BBS9: variants seen among roughly 807,000 people sequenced by gnomAD.
BBS9 encodes the protein protein PTHB1.
A neutral mutation model predicts 117.7 loss-of-function variants in BBS9; 89 were observed. The ratio of observed to expected loss-of-function variants is 0.76; its 90% CI spans 0.64 to 0.90. The LOEUF is 0.90. Ranked by LOEUF, BBS9 falls within the 40% of genes least tolerant of loss-of-function variation. The probability of loss-of-function intolerance (pLI) is 0.00; values close to 1 mark genes in which losing one functional copy is unlikely to be tolerated. For missense variants in BBS9, 982 were observed against 1,042.2 expected (o/e 0.94, Z 0.80); for synonymous variants, 379 against 370.9 (o/e 1.02, Z -0.25).
intron 21 of BBS9, among the ~76,000 whole-genome samples, chr7:33,582,359 G>T (rs1013691442): frequency 5.3e-5 from 8 of 152,082 alleles, no homozygotes; most frequent in Non-Finnish European, 8.8e-5. Context: ...CTTGGAAGGG[G>T]TGGTGTCCAT....
At chr7:33,558,800 GGAGA>G (rs1455093774) in intron 21 of BBS9, among the ~76,000 whole-genome samples, 4 of 151,606 alleles carry the variant, frequency 2.6e-5, no homozygotes, top group African/African-American at 9.7e-5. Context: ...ACTTGAAAGT[GGAGA>G]GAGTAGAAAA....
At chr7:33,352,651 T>C (rs996641798) in intron 14 of BBS9, among the ~76,000 whole-genome samples, 1 of 152,124 alleles carries the variant, frequency 6.6e-6, no homozygotes, top group Non-Finnish European at 1.5e-5. Flanking sequence ...TATAAATAAA[T>C]GTATTGTTGG....
chr7:33,266,517 C>T (rs966997626), intron 7 of BBS9, among the ~76,000 whole-genome samples: 8 of 152,070 alleles, frequency 5.3e-5, no homozygotes, highest in Non-Finnish European at 8.8e-5. Context: ...TCTTGGTAAA[C>T]GTTCAGTGTG....
intron 20 of BBS9, among the ~76,000 whole-genome samples, chr7:33,518,354 G>A (rs1225043846): frequency 2.1e-5 from 3 of 145,990 alleles, no homozygotes; most frequent in Non-Finnish European, 3.0e-5. Flanking sequence ...GGGTTCAAAC[G>A]ATTCTCCTGC....
chr7:33,545,853 T>C (rs1389103257), intron 21 of BBS9, among the ~76,000 whole-genome samples: 1 of 152,150 alleles, frequency 6.6e-6, no homozygotes, highest in South Asian at 2.1e-4. Context: ...CCTTCTAGAC[T>C]TTTTTCTTTG....
chr7:33,162,933 T>C (rs1417795854), intron 4 of BBS9, among the ~76,000 whole-genome samples: 1 of 152,180 alleles, frequency 6.6e-6, no homozygotes, highest in African/African-American at 2.4e-5. Flanking sequence ...TGCTTCCAGT[T>C]TTTGCCCATT....
intron 21 of BBS9, among the ~76,000 whole-genome samples, chr7:33,631,487 G>C (rs562982893): frequency 1.3e-5 from 2 of 152,146 alleles, no homozygotes; most frequent in Non-Finnish European, 2.9e-5. Flanking sequence ...CCTTTCACAG[G>C]CTCCCACAGG....
chr7:33,398,478 C>T (rs940686183), intron 19 of BBS9, among the ~76,000 whole-genome samples: 1 of 152,172 alleles, frequency 6.6e-6, no homozygotes, highest in Non-Finnish European at 1.5e-5. Flanking sequence ...CTCAGCCAAA[C>T]AAGAGCAATA....
At chr7:33,437,673 A>G (rs1050875658) in intron 19 of BBS9, among the ~76,000 whole-genome samples, 1 of 152,126 alleles carries the variant, frequency 6.6e-6, no homozygotes, top group African/African-American at 2.4e-5. Context: ...CAGGAGTTTG[A>G]GACCAGCCTG....
intron 17 of BBS9, among the ~76,000 whole-genome samples, chr7:33,375,060 A>G (rs1823594869): frequency 6.6e-6 from 1 of 152,196 alleles, no homozygotes; most frequent in Non-Finnish European, 1.5e-5. Flanking sequence ...TACAAGCATT[A>G]TACTGATGAA....
At chr7:33,496,648 T>C (rs561957263) in intron 19 of BBS9, among the ~76,000 whole-genome samples, 2 of 152,254 alleles carry the variant, frequency 1.3e-5, no homozygotes, top group East Asian at 3.9e-4. Flanking sequence ...TACAAAATAA[T>C]ATAATAGCAA....
At chr7:33,310,079 G>C (rs1808895296) in intron 9 of BBS9, among the ~76,000 whole-genome samples, 1 of 152,162 alleles carries the variant, frequency 6.6e-6, no homozygotes, top group Non-Finnish European at 1.5e-5. Flanking sequence ...TCACCTTAGT[G>C]TTGAGTAGCT....
At chr7:33,250,131 G>A (rs1189136462) in intron 5 of BBS9, among the ~76,000 whole-genome samples, 1 of 152,158 alleles carries the variant, frequency 6.6e-6, no homozygotes, top group Admixed American at 6.5e-5. Flanking sequence ...GGAGCCAGAT[G>A]GATTCCTATT....
intron 19 of BBS9, among the ~76,000 whole-genome samples, chr7:33,423,848 CTAG>C (rs1833245104): frequency 6.6e-6 from 1 of 152,180 alleles, no homozygotes; most frequent in Admixed American, 6.5e-5. Flanking sequence ...ACAAGTCTGA[CTAG>C]TAAAGCTTTT....
intron 4 of BBS9, among the ~76,000 whole-genome samples, chr7:33,163,191 G>C (rs71590776): frequency 1.3e-5 from 2 of 152,142 alleles, no homozygotes; most frequent in Non-Finnish European, 2.9e-5. Flanking sequence ...ACTTGATCGT[G>C]GTGGATAAAC....
At chr7:33,546,360 C>A (rs1024020163) in intron 21 of BBS9, among the ~76,000 whole-genome samples, 13 of 152,278 alleles carry the variant, frequency 8.5e-5, no homozygotes, top group African/African-American at 3.1e-4. Flanking sequence ...TTGGTATGTA[C>A]ACAATTACTT....
At chr7:33,441,291 A>G (rs1836138998) in intron 19 of BBS9, among the ~76,000 whole-genome samples, 1 of 146,930 alleles carries the variant, frequency 6.8e-6, no homozygotes. Context: ...AAAAAAAAAA[A>G]ATAAAATAAA....
intron 21 of BBS9, among the ~76,000 whole-genome samples, chr7:33,616,402 G>A (rs548018822): frequency 6.7e-6 from 1 of 149,558 alleles, no homozygotes; most frequent in East Asian, 2.0e-4. Flanking sequence ...ACTTGGATTA[G>A]TTGTAAATAT....
At chr7:33,585,464 C>T (rs1860728760) in intron 21 of BBS9, among the ~76,000 whole-genome samples, 1 of 151,982 alleles carries the variant, frequency 6.6e-6, no homozygotes. Flanking sequence ...ATTTTGGAAT[C>T]AGCATATAAC....
Sources: gnomAD v4.1 joint callset for allele counts (sites outside exome capture counted in the v4.1 genomes callset) on GRCh38, gnomAD v4.1.1 for gene constraint, MANE v1.5 for transcripts, NCBI Gene and HGNC (gene_info 2026-07-23, HGNC 2026-07-21) for gene names.